MAP3K10: variants seen among roughly 807,000 people sequenced by gnomAD.
MAP3K10 encodes the protein mitogen-activated protein kinase kinase kinase 10, also known as MKN28 derived nonreceptor_type serine/threonine kinase.
In MAP3K10, 22 loss-of-function variants were observed where a neutral mutation model predicts 75.0. That is an observed-to-expected ratio of 0.29 (90% CI 0.21 to 0.42). The LOEUF is 0.42. Among genes scored for constraint, MAP3K10 ranks in the 10% least tolerant of loss-of-function variants. The pLI is 1.00. For missense variants in MAP3K10, 1,165 were observed against 1,379.8 expected (o/e 0.84, Z 2.47); for synonymous variants, 599 against 612.9 (o/e 0.98, Z 0.34).
In MAP3K10 at chr19:40,214,002, T is replaced by TACCCCCCCCCCCACCCCCCCCCCC; in HGVS notation, c.2323_2324insACCCCCCCCCCCACCCCCCCCCCC (p.Ser775delinsTyrProProProHisProProProPro). 1 of 1,493,670 alleles carries TACCCCCCCCCCCACCCCCCCCCCC rather than the reference T, an allele frequency of 6.7e-7. No individual in the cohort carries two copies. The highest frequency in any genetic ancestry group is 8.9e-7 in the Non-Finnish European group (1 of 1,123,854). 92.5% of individuals were successfully genotyped at this position (1,493,670 alleles called of 1,614,324 possible). A position where few individuals can be genotyped will look rare whatever the true frequency, so the allele number is the denominator to read the frequency against. ...TGACGAGGCCGCACCGGCCGCGCCC[T>TACCCCCCCCCCCACCCCCCCCCCC]CCCCACCACCCTCCCCGCCCGCGCC... On this transcript the variant is annotated protein_altering_variant, in exon 9 of 10. Coordinates refer to ENST00000253055, the MANE Select transcript of MAP3K10 (RefSeq NM_002446.4).
rs1972821750 is a variant in MAP3K10, at chr19:40,191,952, C to T, written c.-80C>T. 1 of 1,036,552 alleles carries T rather than the reference C, an allele frequency of 9.6e-7. No individual in the cohort carries two copies. Among genetic ancestry groups the T allele is most frequent in the Non-Finnish European group, 1.3e-6 (1 of 755,612 alleles). 64.2% of individuals were successfully genotyped at this position (1,036,552 alleles called of 1,614,324 possible). On this transcript the variant is annotated 5_prime_UTR_variant, in exon 1 of 10. Transcript: ENST00000253055. Reference sequence around the variant, plus strand: ...AGACCCCGCAGGGACTGCCCTCCATCCCGGCCGCCGGGGCCCGCCCTCTGC... The same window carrying T: ...AGACCCCGCAGGGACTGCCCTCCATTCCGGCCGCCGGGGCCCGCCCTCTGC...
rs114992896 is a variant in MAP3K10, at chr19:40,211,390, A to G, written c.1553-1415A>G. Among the ~76,000 whole-genome samples, 930 of 120,764 alleles carry G rather than the reference A, an allele frequency of 7.7e-3. 11 individuals carry two copies. Among genetic ancestry groups the G allele is most frequent in the African/African-American group, 0.028 (876 of 31,164 alleles). The allele number at this position is 120,764 out of a possible 152,430, so 79.2% of individuals were successfully genotyped here. On this transcript the variant is annotated intron_variant, in intron 6 of 9. Coordinates refer to ENST00000253055, the MANE Select transcript of MAP3K10 (RefSeq NM_002446.4). ...TTTTTTGTTTTTAATTTTTGTTTTT[A>G]GTTCTGGGGTACGTGTGCAGGATGT...
chr19:40,214,925 C>G (rs376907312), intron 9 of MAP3K10, 45 bp from the exon 10 acceptor site: 1 of 863,510 alleles, frequency 1.2e-6, no homozygotes, highest in Non-Finnish European at 1.9e-6. Context: ...TTTAATGCCA[C>G]CCTCTGCCCC....
rs1305604047 is a variant in MAP3K10 at position 40,204,896 on chromosome 19, A to G, written c.1013-225A>G. ...GGGATTCCACCTTGATCCTGATTCC[A>G]CTACCAGCCCCTCCTCGGGGTGCAG... On this transcript the variant is annotated intron_variant, in intron 3 of 9. Coordinates refer to ENST00000253055, the MANE Select transcript of MAP3K10 (RefSeq NM_002446.4). This position sits in a 1 kb window ranked among gnomAD's most constrained non-coding sequence, Gnocchi z 4.3. The G allele has an allele frequency of 4.9e-6, 3 of 614,680 alleles. No homozygotes were observed. The highest frequency in any genetic ancestry group is 3.7e-5 in the African/African-American group (2 of 54,132). The allele number at this position is 614,680 out of a possible 1,614,324, so 38.1% of individuals were successfully genotyped here. A position where few individuals can be genotyped will look rare whatever the true frequency, so the allele number is the denominator to read the frequency against.
chr19:40,197,926 G>A (rs1437435975), intron 1 of MAP3K10, among the ~76,000 whole-genome samples: 1 of 151,954 alleles, frequency 6.6e-6, no homozygotes, highest in Non-Finnish European at 1.5e-5. Flanking sequence ...CAACCTCCCA[G>A]CCTCAAGTGA....
At chr19:40,214,938 C>T (rs760241682) in intron 9 of MAP3K10, 32 bp from the exon 10 acceptor site, 5 of 1,063,642 alleles carry the variant, frequency 4.7e-6, no homozygotes, top group Non-Finnish European at 7.1e-6. Flanking sequence ...TCTGCCCCAC[C>T]CCACTCACCT....
rs561487474 is a variant in MAP3K10 at position 40,212,796 on chromosome 19, T to C, written c.1553-9T>C. On this transcript the variant is annotated splice_polypyrimidine_tract_variant and intron_variant, in intron 6 of 9. Transcript: ENST00000253055. This position sits in a 1 kb window ranked among gnomAD's most constrained non-coding sequence, Gnocchi z 4.2. ...CCACCCAGTAACCAAGTGGCTTCTC[T>C]GGACCCAGTGACTCCCGTGGACTGT... is the stretch of plus-strand genomic sequence containing the variant. 121 of 1,580,336 alleles carry C rather than the reference T, an allele frequency of 7.7e-5. 1 individual carries two copies. In the South Asian group the frequency reaches 1.4e-3, roughly 18 times the overall value.
chr19:40,213,398 C>T lies in MAP3K10; in HGVS notation c.1838-119C>T. The T allele has an allele frequency of 6.7e-7, 1 of 1,484,276 alleles. No individual in the cohort carries two copies. The highest frequency in any genetic ancestry group is 8.9e-7 in the Non-Finnish European group (1 of 1,120,808). The allele number at this position is 1,484,276 out of a possible 1,614,324, so 91.9% of individuals were successfully genotyped here. A position where few individuals can be genotyped will look rare whatever the true frequency, so the allele number is the denominator to read the frequency against. The stretch of plus-strand genomic sequence containing the variant: ...CTTCTCCTGGAGACAGATTCAAGAA[C>T]GATGCTCGTGGGTCTTGGTCTTGCT... On this transcript the variant is annotated intron_variant, in intron 8 of 9. Transcript: ENST00000253055. The surrounding 1 kb of genome is among the most constrained non-coding windows in gnomAD (Gnocchi z 5.7).
rs1378035686 is a variant in MAP3K10, at chr19:40,200,971, C to T, written c.863+2416C>T. 2.0e-5 allele frequency among the ~76,000 whole-genome samples: 3 copies of T among 151,846 alleles called. No individual in the cohort carries two copies. In the East Asian group the frequency reaches 5.8e-4, roughly 30 times the overall value. On this transcript the variant is annotated intron_variant, in intron 2 of 9. Transcript: ENST00000253055. ...TACTTAGCAGGATGCAGGATATCCA[C>T]ACCTCCCCGCCATAAACTTCAGTAA...
chr19:40,215,460 G>A lies in MAP3K10; in HGVS notation c.*168G>A, dbSNP rs900742679. The A allele has an allele frequency of 3.0e-6, 2 of 676,320 alleles. No individual in the cohort carries two copies. Among genetic ancestry groups the A allele is most frequent in the Admixed American group, 2.9e-5 (1 of 34,202 alleles). The allele number at this position is 676,320 out of a possible 1,614,324, so 41.9% of individuals were successfully genotyped here. Reference sequence around the variant, plus strand: ...TAACTTATTCCTTTGTACCCCAGGGGGTGGAGCCCTGTGCCCACCCTGCAC... The same window carrying A: ...TAACTTATTCCTTTGTACCCCAGGGAGTGGAGCCCTGTGCCCACCCTGCAC... On this transcript the variant is annotated 3_prime_UTR_variant, in exon 10 of 10. Coordinates refer to ENST00000253055, the MANE Select transcript of MAP3K10 (RefSeq NM_002446.4).
In MAP3K10 at chr19:40,215,451, A is replaced by C; in HGVS notation, c.*159A>C. The C allele has an allele frequency of 7.3e-6, 5 of 680,288 alleles. No homozygotes were observed. Among genetic ancestry groups the C allele is most frequent in the East Asian group, 2.8e-5 (1 of 35,516 alleles). The allele number at this position is 680,288 out of a possible 1,614,324, so 42.1% of individuals were successfully genotyped here. The stretch of plus-strand genomic sequence containing the variant: ...GGGGACACTTAACTTATTCCTTTGT[A>C]CCCCAGGGGGTGGAGCCCTGTGCCC... On this transcript the variant is annotated 3_prime_UTR_variant, in exon 10 of 10. Coordinates refer to ENST00000253055, the MANE Select transcript of MAP3K10 (RefSeq NM_002446.4).
chr19:40,206,735 T>C (rs1052006370), intron 5 of MAP3K10, among the ~76,000 whole-genome samples: 1 of 152,216 alleles, frequency 6.6e-6, no homozygotes, highest in African/African-American at 2.4e-5. Flanking sequence ...GAGAGGAACA[T>C]CTGTCTTGAC....
In MAP3K10 at chr19:40,205,829, A is replaced by T; in HGVS notation, c.1189-82A>T. The T allele has an allele frequency of 1.4e-6, 2 of 1,402,866 alleles. No individual in the cohort carries two copies. The highest frequency in any genetic ancestry group is 9.4e-7 in the Non-Finnish European group (1 of 1,065,828). 86.9% of individuals were successfully genotyped at this position (1,402,866 alleles called of 1,614,324 possible). ...CAAGGTACCCTTGTGTGAGGCACCAACCAGACGCAGCAGCCCTGGGTCCCT... is the reference window on the plus strand; with the variant it reads ...CAAGGTACCCTTGTGTGAGGCACCATCCAGACGCAGCAGCCCTGGGTCCCT... On this transcript the variant is annotated intron_variant, in intron 4 of 9. Transcript: ENST00000253055. The surrounding 1 kb of genome is among the most constrained non-coding windows in gnomAD (Gnocchi z 4.3).
chr19:40,214,382 C>T (rs1477903531), intron 9 of MAP3K10, among the ~76,000 whole-genome samples, 161 bp downstream of exon 9: 2 of 152,112 alleles, frequency 1.3e-5, no homozygotes, highest in African/African-American at 2.4e-5. Flanking sequence ...CTGGAGGCAT[C>T]GGGGGTCTCC....
chr19:40,214,002 T>TCCCCCCCACCCCCCCCCCCCCC lies in MAP3K10; in HGVS notation c.2327_2328insCCCACCCCCCCCCCCCCCCCCC (p.Ser779ProfsTer80). 2 of 1,493,668 alleles carry TCCCCCCCACCCCCCCCCCCCCC rather than the reference T, an allele frequency of 1.3e-6. No homozygotes were observed. Among genetic ancestry groups the TCCCCCCCACCCCCCCCCCCCCC allele is most frequent in the South Asian group, 1.2e-5 (1 of 81,550 alleles). The allele number at this position is 1,493,668 out of a possible 1,614,324, so 92.5% of individuals were successfully genotyped here. On this transcript the variant is annotated frameshift_variant, in exon 9 of 10. Coordinates refer to ENST00000253055, the MANE Select transcript of MAP3K10 (RefSeq NM_002446.4). LOFTEE classifies it high-confidence loss of function. ...TGACGAGGCCGCACCGGCCGCGCCC[T>TCCCCCCCACCCCCCCCCCCCCC]CCCCACCACCCTCCCCGCCCGCGCC...
intron 1 of MAP3K10, among the ~76,000 whole-genome samples, chr19:40,195,275 G>T (rs1972883777): frequency 6.6e-6 from 1 of 151,916 alleles, no homozygotes; most frequent in Non-Finnish European, 1.5e-5. Context: ...ATTTTGAAGG[G>T]GGACTGACTT....
chr19:40,200,959 G>A (rs1205289531), intron 2 of MAP3K10, among the ~76,000 whole-genome samples: 2 of 151,670 alleles, frequency 1.3e-5, no homozygotes, highest in East Asian at 1.9e-4. Flanking sequence ...TTAGCAGGAT[G>A]CAGGATATCC....
rs1259753682 is a variant in MAP3K10, at chr19:40,205,934, G to C, written c.1212G>C (p.Glu404Asp). 6.3e-7 allele frequency: 1 copy of C among 1,583,474 alleles called. No homozygotes were observed. The highest frequency in any genetic ancestry group is 1.3e-5 in the African/African-American group (1 of 74,382). The change falls in exon 5 of 10, where the codon GAG (glutamate) becomes GAC (aspartate). Residue 404 changes from glutamate to aspartate, a missense_variant. This residue lies in a region of MAP3K10 where 575 missense variants were observed against 793.2 expected (regional missense o/e 0.72). Transcript: ENST00000253055. This position sits in a 1 kb window ranked among gnomAD's most constrained non-coding sequence, Gnocchi z 4.3. ...KEKELRSREEELLRAAQEQRF... is the reference protein window; with the variant it reads ...KEKELRSREEDLLRAAQEQRF... ...AGGAGCTTCGGAGCCGTGAGGAGGA[G>C]CTGCTGCGGGCGGCACAGGAGCAGC...
At chr19:40,194,003 T>G (rs1972861545) in intron 1 of MAP3K10, among the ~76,000 whole-genome samples, 1 of 152,178 alleles carries the variant, frequency 6.6e-6, no homozygotes, top group Admixed American at 6.5e-5. Flanking sequence ...CCCATAGCAA[T>G]TGTAAGCCCC....
Sources: allele counts gnomAD v4.1 joint callset (sites outside exome capture counted in the v4.1 genomes callset), GRCh38; gene constraint gnomAD v4.1.1; regional missense constraint gnomAD v4.1.1; non-coding constraint Gnocchi (gnomAD v3.1); transcripts MANE v1.5; gene names NCBI Gene and HGNC (gene_info 2026-07-23, HGNC 2026-07-21).